The following PANK1 variants were observed in gnomAD, a reference collection of about 807,000 sequenced individuals.
The protein encoded by PANK1 is pantothenic acid kinase 1.
Under a neutral mutation model 40.1 loss-of-function variants are expected in PANK1, and 18 were observed. The ratio of observed to expected loss-of-function variants is 0.45; its 90% CI spans 0.31 to 0.67. PANK1 has a LOEUF of 0.67. Ranked by LOEUF, PANK1 falls within the 30% of genes least tolerant of loss-of-function variation. The pLI is 0.06. For synonymous variants in PANK1, 242 were observed against 237.7 expected, an observed-to-expected ratio of 1.02 and a Z score of -0.17; for missense variants, 457 against 599.6, an observed-to-expected ratio of 0.76 and a Z score of 2.48.
chr10:89,612,842 C>T (rs887273236), intron 1 of PANK1, among the ~76,000 whole-genome samples: 4 of 152,216 alleles, frequency 2.6e-5, no homozygotes, highest in Admixed American at 6.5e-5. Flanking sequence ...CGCACATATT[C>T]TGTTTAATTC....
chr10:89,610,116 G>T (rs1027166818), intron 2 of PANK1, among the ~76,000 whole-genome samples: 2 of 152,166 alleles, frequency 1.3e-5, no homozygotes, highest in African/African-American at 4.8e-5. Flanking sequence ...GGCAGCTTTA[G>T]TTTCTTATCT....
chr10:89,637,495 T>C (rs1372239764), intron 1 of PANK1, among the ~76,000 whole-genome samples: 1 of 152,192 alleles, frequency 6.6e-6, no homozygotes, highest in Non-Finnish European at 1.5e-5. Flanking sequence ...CTATAGGCAA[T>C]TGTAACAATG....
chr10:89,616,724 C>G (rs1253526065), intron 1 of PANK1, among the ~76,000 whole-genome samples: 1 of 152,162 alleles, frequency 6.6e-6, no homozygotes, highest in Non-Finnish European at 1.5e-5. Flanking sequence ...AGTTCGAGAC[C>G]AGCCTGGCCA....
intron 6 of PANK1, 98 bp downstream of exon 6, chr10:89,588,554 T>TA (rs1844273156): frequency 2.2e-6 from 2 of 913,148 alleles, no homozygotes; most frequent in African/African-American, 3.4e-5. Flanking sequence ...GCAACTTTTC[T>TA]ACTTGACCAA....
At chr10:89,601,198 G>A (rs2133945342) in intron 2 of PANK1, among the ~76,000 whole-genome samples, 1 of 151,800 alleles carries the variant, frequency 6.6e-6, no homozygotes, top group East Asian at 1.9e-4. Context: ...AACGGGCTGG[G>A]GTGTGGTAGT....
chr10:89,592,903 A>C, intron 5 of PANK1: 1 of 531,530 alleles, frequency 1.9e-6, no homozygotes, highest in Non-Finnish European at 3.7e-6. Flanking sequence ...CTCACATTTC[A>C]GTGGACACAT....
At position 89,599,293 on chromosome 10, in the gene PANK1, G is replaced by T. The variant is rs548944000; in HGVS notation, c.858C>A (p.Ala286=). 3.1e-6 allele frequency: 5 copies of T among 1,613,858 alleles called. No individual in the cohort carries two copies. Among genetic ancestry groups the T allele is most frequent in the Non-Finnish European group, 3.4e-6 (4 of 1,179,758 alleles). ...VNMGSGVSIL[A]VYSKDNYKRV... ...TTTTATAGTTGTCCTTGGAGTACAC[G>T]GCTAGAATGCTGACACCTGAGCCCA... The change falls in exon 3 of 7, where the codon GCC becomes GCA. Residue 286 remains alanine, a synonymous_variant. Transcript: ENST00000307534.
In PANK1 at chr10:89,644,920, C is replaced by T. The variant is rs955822025; in HGVS notation, c.-29G>A. ...GGGGGCTGGCGGGGCTGTGCGCGGG[C>T]CCCGGCTCAGGCGGCCTCGCTGGAG... On this transcript the variant is annotated 5_prime_UTR_variant, in exon 1 of 7. Transcript: ENST00000307534. 3 of 1,545,904 alleles carry T rather than the reference C, an allele frequency of 1.9e-6. No homozygotes were observed. The highest frequency in any genetic ancestry group is 2.7e-5 in the East Asian group (1 of 37,470).
downstream of PANK1, chr10:89,579,758 G>T (rs1214769878): frequency 6.6e-6 from 1 of 152,064 alleles, no homozygotes; most frequent in African/African-American, 2.4e-5. Flanking sequence ...AATAGCAATT[G>T]TCACTCCCTG....
At position 89,599,432 on chromosome 10, in the gene PANK1, A is replaced by G. The variant is rs1395021029; in HGVS notation, c.719T>C (p.Val240Ala). The change falls in exon 3 of 7, where the codon GTT (valine) becomes GCT (alanine). Residue 240 changes from valine to alanine, a missense_variant. Val to Ala is a moderately conservative substitution (Grantham distance 64, BLOSUM62 0). Around this residue, in one of 4 missense-constraint regions of PANK1, gnomAD observed 286 missense variants for 415.8 expected, o/e 0.69. Transcript: ENST00000307534. ...LIQGLLYVDS[V>A]GFNGKPECYY... ...ACATTCTGGCTTGCCGTTGAAGCCA[A>G]CAGAGTCGACATAAAGCAGGCCCTG... The G allele has an allele frequency of 1.2e-6, 2 of 1,613,592 alleles. No homozygotes were observed. Among genetic ancestry groups the G allele is most frequent in the Non-Finnish European group, 8.5e-7 (1 of 1,179,606 alleles).
intron 1 of PANK1, among the ~76,000 whole-genome samples, chr10:89,625,228 G>A (rs1036193359): frequency 6.6e-6 from 1 of 152,218 alleles, no homozygotes; most frequent in Non-Finnish European, 1.5e-5. Context: ...GTGAGAAACT[G>A]GAGTTTGTAG....
At chr10:89,625,925 T>C (rs1845648279) in intron 1 of PANK1, 1 of 152,152 alleles carries the variant, frequency 6.6e-6, no homozygotes, top group African/African-American at 2.4e-5. Context: ...AGTCTTTTCG[T>C]TAAGTCCCTG....
intron 1 of PANK1, among the ~76,000 whole-genome samples, chr10:89,623,525 A>ATT (rs34318773): frequency 0.23 from 33,513 of 147,554 alleles, 3,940 homozygotes; most frequent in East Asian, 0.49. Flanking sequence ...GCCTGGCCCA[A>ATT]TTTTTTTTTT....
At chr10:89,614,527 G>A (rs1845259644) in intron 1 of PANK1, among the ~76,000 whole-genome samples, 1 of 152,214 alleles carries the variant, frequency 6.6e-6, no homozygotes, top group Non-Finnish European at 1.5e-5. Context: ...GCCAGGTGTG[G>A]TGGCTCACAC....
At chr10:89,606,789 G>T (rs1844978848) in intron 2 of PANK1, among the ~76,000 whole-genome samples, 1 of 152,170 alleles carries the variant, frequency 6.6e-6, no homozygotes, top group African/African-American at 2.4e-5. Flanking sequence ...CTCCCAAAGT[G>T]ATGGGATTAC....
Position 89,644,671 on chromosome 10 carries a change from G to A in PANK1, c.221C>T (p.Pro74Leu), listed in dbSNP as rs2133042906. The A allele has an allele frequency of 6.4e-7, 1 of 1,567,248 alleles. No homozygotes were observed. Reference protein sequence around the residue: ...LPELQPQPLLPQHDSPAKKCR... With the variant: ...LPELQPQPLLLQHDSPAKKCR... ...TTTCTTGGCCGGGGAGTCATGCTGA[G>A]GGAGCAGTGGCTGCGGCTGCAGCTC... The change falls in exon 1 of 7, where the codon CCT becomes CTT. Residue 74 changes from proline to leucine, a missense_variant. By Grantham distance (98) the Pro-to-Leu change is moderately conservative. Transcript: ENST00000307534.
At chr10:89,588,482 A>ACC (rs1844271050) in intron 6 of PANK1, among the ~76,000 whole-genome samples, 170 bp downstream of exon 6, 2 of 152,220 alleles carry the variant, frequency 1.3e-5, no homozygotes, top group Non-Finnish European at 2.9e-5. Flanking sequence ...TTGTTGGATA[A>ACC]GAACGCTTCC....
intron 1 of PANK1, among the ~76,000 whole-genome samples, chr10:89,620,333 C>A (rs1845442348): frequency 6.6e-6 from 1 of 152,158 alleles, no homozygotes; most frequent in Admixed American, 6.5e-5. Context: ...GGAGAAATAT[C>A]ACTGAATTAT....
At chr10:89,597,670 T>C (rs1245460031) in intron 3 of PANK1, among the ~76,000 whole-genome samples, 3 of 152,256 alleles carry the variant, frequency 2.0e-5, no homozygotes, top group African/African-American at 7.2e-5. Context: ...TAAGTGTTAA[T>C]AAAACTAGAT....
Sources: allele counts gnomAD v4.1 joint callset (sites outside exome capture counted in the v4.1 genomes callset), GRCh38; gene constraint gnomAD v4.1.1; regional missense constraint gnomAD v4.1.1; transcripts MANE v1.5; gene names NCBI Gene and HGNC (gene_info 2026-07-23, HGNC 2026-07-21).